The following PKD2L2 variants were observed in gnomAD, a reference collection of about 807,000 sequenced individuals.
PKD2L2 encodes the protein polycystin 2 like 2, transient receptor potential cation channel.
Under a neutral mutation model 83.9 loss-of-function variants are expected in PKD2L2, and 67 were observed. The ratio of observed to expected loss-of-function variants is 0.80; its 90% CI spans 0.66 to 0.98. The LOEUF (loss-of-function observed/expected upper bound fraction) is 0.98, where lower values mean the gene tolerates loss of function less well. PKD2L2 is among the 50% of genes least tolerant of loss of function. PKD2L2 has a pLI of 0.00. For missense variants in PKD2L2, 632 were observed against 717.2 expected, an observed-to-expected ratio of 0.88 and a Z score of 1.36; for synonymous variants, 223 against 237.8, an observed-to-expected ratio of 0.94 and a Z score of 0.57.
At chr5:137,937,049 G>T (rs1205611525) in intron 14 of PKD2L2, among the ~76,000 whole-genome samples, 1 of 152,184 alleles carries the variant, frequency 6.6e-6, no homozygotes, top group Non-Finnish European at 1.5e-5. Context: ...GGTAGAGAAA[G>T]ACAGTTTTCT....
intron 10 of PKD2L2, among the ~76,000 whole-genome samples, chr5:137,923,961 C>T (rs182500625): frequency 2.0e-5 from 3 of 152,298 alleles, no homozygotes; most frequent in African/African-American, 7.2e-5. Context: ...TCAAGTCACT[C>T]CTGGCTCAAA....
intron 2 of PKD2L2, among the ~76,000 whole-genome samples, chr5:137,891,251 A>G (rs961803647): frequency 1.1e-4 from 17 of 152,322 alleles, no homozygotes; most frequent in African/African-American, 3.8e-4. Flanking sequence ...TATAGCAATT[A>G]AGTAATTAAT....
At chr5:137,901,916 G>A (rs949001187) in intron 5 of PKD2L2, among the ~76,000 whole-genome samples, 1 of 152,028 alleles carries the variant, frequency 6.6e-6, no homozygotes, top group African/African-American at 2.4e-5. Context: ...ATACCCGCTG[G>A]AGAAAACTGT....
chr5:137,939,402 T>C (rs1407727105), intron 14 of PKD2L2: 1 of 152,670 alleles, frequency 6.6e-6, no homozygotes, highest in Non-Finnish European at 1.5e-5. Flanking sequence ...TCTCACATTA[T>C]CTGGAGGTGG....
chr5:137,939,362 C>T (rs1293902637), intron 14 of PKD2L2: 3 of 152,722 alleles, frequency 2.0e-5, no homozygotes, highest in African/African-American at 7.2e-5. Context: ...TGAGCACCAT[C>T]AGAGTTCCTA....
chr5:137,934,901 A>G (rs1760192335), intron 12 of PKD2L2, among the ~76,000 whole-genome samples: 1 of 152,194 alleles, frequency 6.6e-6, no homozygotes, highest in Non-Finnish European at 1.5e-5. Context: ...AAAAGAAAAA[A>G]AAATGTTGGT....
At chr5:137,894,818 T>G (rs981208443) in intron 4 of PKD2L2, among the ~76,000 whole-genome samples, 1 of 152,214 alleles carries the variant, frequency 6.6e-6, no homozygotes, top group Non-Finnish European at 1.5e-5. Context: ...GCAAAGTGTT[T>G]TCTTTTTTCT....
intron 2 of PKD2L2, among the ~76,000 whole-genome samples, chr5:137,892,074 G>A (rs1414102076): frequency 6.6e-6 from 1 of 152,140 alleles, no homozygotes; most frequent in Admixed American, 6.5e-5. Context: ...ACAAAACTAG[G>A]GGGTAAGAGA....
At chr5:137,928,659 C>T (rs1321008936) in intron 12 of PKD2L2, among the ~76,000 whole-genome samples, 1 of 152,162 alleles carries the variant, frequency 6.6e-6, no homozygotes, top group Non-Finnish European at 1.5e-5. Context: ...CTCGAGCTTC[C>T]GGGCTCAAGT....
chr5:137,912,828 G>A (rs1757961214), intron 8 of PKD2L2, among the ~76,000 whole-genome samples: 1 of 117,694 alleles, frequency 8.5e-6, no homozygotes, highest in Admixed American at 9.0e-5. Flanking sequence ...TTTTGAGATG[G>A]AGTTTTGCTT....
At chr5:137,917,953 C>CTTTGGGAGCCTCCTAGCAG (rs1327555157) in intron 8 of PKD2L2, among the ~76,000 whole-genome samples, 1 of 152,100 alleles carries the variant, frequency 6.6e-6, no homozygotes, top group Non-Finnish European at 1.5e-5. Context: ...AGCCATTGCA[C>CTTTGGGAGCCTCCTAGCAG]TTTGGGAGCC....
rs962692062 is a variant in PKD2L2 at position 137,894,731 on chromosome 5, GT to G, written c.524+123del. On this transcript the variant is annotated intron_variant, in intron 4 of 14. Coordinates refer to ENST00000508883, the MANE Select transcript of PKD2L2 (RefSeq NM_001300921.2). ...GGGTAAGGAAACTGTTTCAACAATA[GT>G]AAAAAAGGAAGATGTGGAGATAGCA... 2.3e-5 allele frequency: 16 copies of G among 704,176 alleles called. No individual in the cohort carries two copies. The African/African-American group carries it at 2.5e-4, about 11-fold the overall frequency. The allele number at this position is 704,176 out of a possible 1,614,324, so 43.6% of individuals were successfully genotyped here. A position where few individuals can be genotyped will look rare whatever the true frequency, so the allele number is the denominator to read the frequency against.
chr5:137,891,946 A>G (rs1237525597), intron 2 of PKD2L2, among the ~76,000 whole-genome samples: 1 of 152,192 alleles, frequency 6.6e-6, no homozygotes. Context: ...TCAGCCTCCC[A>G]AAGTTCTGGG....
At chr5:137,931,480 T>C (rs1039243623) in intron 12 of PKD2L2, among the ~76,000 whole-genome samples, 21 of 152,202 alleles carry the variant, frequency 1.4e-4, no homozygotes, top group African/African-American at 3.9e-4. Context: ...CAATAATATA[T>C]GAAGATTCAG....
intron 5 of PKD2L2, among the ~76,000 whole-genome samples, chr5:137,903,362 C>G (rs956240013): frequency 6.6e-6 from 1 of 152,182 alleles, no homozygotes; most frequent in African/African-American, 2.4e-5. Context: ...GGGCAGTACA[C>G]CCTCTCCTGG....
Position 137,899,689 on chromosome 5 carries a change from T to C in PKD2L2, c.698T>C (p.Ile233Thr), listed in dbSNP as rs1332362938. 6.2e-7 allele frequency: 1 copy of C among 1,612,692 alleles called. No homozygotes were observed. Among genetic ancestry groups the C allele is most frequent in the African/African-American group, 1.3e-5 (1 of 75,048 alleles). ...WITRGTRVIF[I>T]DFSLYNANVN... Reference sequence around the variant, plus strand: ...ACAAGAGGGACTAGAGTTATTTTTATTGATTTTTCCTTATATAATGCTAAT... The same window carrying C: ...ACAAGAGGGACTAGAGTTATTTTTACTGATTTTTCCTTATATAATGCTAAT... Residue 233 changes from isoleucine (I) to threonine (T), a missense_variant, in exon 5 of 15, where the codon ATT becomes ACT. Transcript: ENST00000508883.
chr5:137,894,565 T>G lies in PKD2L2; in HGVS notation c.480T>G (p.Ser160=), dbSNP rs1756272181. 6.2e-7 allele frequency: 1 copy of G among 1,613,062 alleles called. No individual in the cohort carries two copies. Among genetic ancestry groups the G allele is most frequent in the Non-Finnish European group, 8.5e-7 (1 of 1,179,166 alleles). ...LMSECYGKYT[S]ANEDLSNFGL... is the part of the protein sequence containing the mutation. ...GTGAATGTTATGGCAAATATACTTC[T>G]GCAAATGAAGACCTCTCTAATTTTG... Residue 160 remains serine (S), a synonymous_variant, in exon 4 of 15, where the codon TCT becomes TCG. Transcript: ENST00000508883.
rs1410487935 is a variant in PKD2L2 at position 137,908,916 on chromosome 5, T to C, written c.1298T>C (p.Val433Ala). The C allele has an allele frequency of 6.2e-7, 1 of 1,607,734 alleles. No individual in the cohort carries two copies. The highest frequency in any genetic ancestry group is 8.5e-7 in the Non-Finnish European group (1 of 1,176,026). ...QLGFLVFGSQ[V>A]DDFSTFQNSI... ...GGATTTCTTGTTTTTGGATCACAAG[T>C]TGATGACTTTTCCACTTTTCAGAAT... is the stretch of plus-strand genomic sequence containing the variant. Residue 433 changes from valine (V) to alanine (A), a missense_variant, in exon 8 of 15, where the codon GTT becomes GCT. Physicochemically the swap from Val to Ala is moderately conservative, Grantham distance 64. Transcript: ENST00000508883.
intron 12 of PKD2L2, among the ~76,000 whole-genome samples, chr5:137,926,806 A>T (rs895980928): frequency 6.6e-6 from 1 of 152,160 alleles, no homozygotes; most frequent in Non-Finnish European, 1.5e-5. Context: ...ACCTGGATCA[A>T]AAATTTAGTA....
Sources: gnomAD v4.1 joint callset for allele counts (sites outside exome capture counted in the v4.1 genomes callset) on GRCh38, gnomAD v4.1.1 for gene constraint, MANE v1.5 for transcripts, NCBI Gene and HGNC (gene_info 2026-07-23, HGNC 2026-07-21) for gene names.